SPON1: variants seen among roughly 807,000 people sequenced by gnomAD.
SPON1 encodes spondin-1.
SPON1 carries 52 observed loss-of-function variants against 111.7 expected under a neutral mutation model. The ratio of observed to expected loss-of-function variants is 0.47; its 90% CI spans 0.37 to 0.59. SPON1 has a LOEUF of 0.59. Among genes scored for constraint, SPON1 ranks in the 20% least tolerant of loss-of-function variants. The pLI, the probability that SPON1 is intolerant of heterozygous loss-of-function variation, is 0.00. For missense variants in SPON1, 957 were observed against 1,068.5 expected (o/e 0.90, Z 1.46); for synonymous variants, 410 against 395.8 (o/e 1.04, Z -0.43).
intron 6 of SPON1, among the ~76,000 whole-genome samples, chr11:14,199,055 G>T (rs1333369844): frequency 6.6e-6 from 1 of 152,006 alleles, no homozygotes; most frequent in Non-Finnish European, 1.5e-5. Context: ...CTACTACTTT[G>T]GGGGAAGAAA....
At chr11:14,019,674 A>C (rs1470361521) in intron 2 of SPON1, among the ~76,000 whole-genome samples, 1 of 152,146 alleles carries the variant, frequency 6.6e-6, no homozygotes, top group African/African-American at 2.4e-5. Context: ...TTTGGAGATA[A>C]ATGGCTTCCA....
chr11:14,173,762 A>T (rs1848138184), intron 6 of SPON1, among the ~76,000 whole-genome samples: 2 of 152,100 alleles, frequency 1.3e-5, no homozygotes, highest in African/African-American at 4.8e-5. Context: ...TCCACTCCAG[A>T]CCCTGTTTAC....
intron 2 of SPON1, among the ~76,000 whole-genome samples, chr11:14,007,110 T>G (rs1220895092): frequency 6.6e-6 from 1 of 152,196 alleles, no homozygotes; most frequent in African/African-American, 2.4e-5. Flanking sequence ...AAAACTGTTC[T>G]ACCTCAGATC....
At chr11:14,239,222 C>T (rs1196442944) in intron 6 of SPON1, among the ~76,000 whole-genome samples, 1 of 152,060 alleles carries the variant, frequency 6.6e-6, no homozygotes, top group African/African-American at 2.4e-5. Context: ...ACTCAGGCAG[C>T]GCAAGTCAAT....
intron 2 of SPON1, among the ~76,000 whole-genome samples, chr11:13,998,262 C>T (rs1456672196): frequency 6.6e-6 from 1 of 152,154 alleles, no homozygotes; most frequent in Non-Finnish European, 1.5e-5. Context: ...AAAGACTAAG[C>T]CACCAAAGGC....
At chr11:14,194,596 AGT>A (rs1164977614) in intron 6 of SPON1, among the ~76,000 whole-genome samples, 1 of 151,950 alleles carries the variant, frequency 6.6e-6, no homozygotes, top group Non-Finnish European at 1.5e-5. Flanking sequence ...GTACAATAAA[AGT>A]GTGTATTTAC....
At chr11:14,079,704 T>TC (rs1848946261) in intron 4 of SPON1, among the ~76,000 whole-genome samples, 195 bp from the exon 5 acceptor site, 4 of 152,022 alleles carry the variant, frequency 2.6e-5, no homozygotes, top group African/African-American at 9.7e-5. Flanking sequence ...TTTTTTTTTT[T>TC]CAAAATATTA....
At chr11:14,243,182 C>A in intron 6 of SPON1, 150 bp from the exon 7 acceptor site, 1 of 707,748 alleles carries the variant, frequency 1.4e-6, no homozygotes, top group Non-Finnish European at 2.4e-6. Context: ...CAGGGTTCCC[C>A]CATCCCAGAG....
intron 2 of SPON1, among the ~76,000 whole-genome samples, chr11:14,016,500 G>C (rs1848445003): frequency 6.6e-6 from 1 of 151,968 alleles, no homozygotes; most frequent in Non-Finnish European, 1.5e-5. Context: ...ATTGATTATT[G>C]TTTTCTAAAT....
intron 6 of SPON1, among the ~76,000 whole-genome samples, chr11:14,226,436 G>A (rs1371431952): frequency 2.0e-5 from 3 of 152,166 alleles, no homozygotes; most frequent in African/African-American, 4.8e-5. Context: ...GTACAGTATC[G>A]GTTGTTTACC....
intron 6 of SPON1, among the ~76,000 whole-genome samples, chr11:14,149,532 T>A (rs1847763807): frequency 6.6e-6 from 1 of 152,150 alleles, no homozygotes; most frequent in Admixed American, 6.5e-5. Context: ...AAGTGTACAG[T>A]GTTTATTAAG....
At chr11:14,171,525 T>C (rs1299408168) in intron 6 of SPON1, among the ~76,000 whole-genome samples, 1 of 152,234 alleles carries the variant, frequency 6.6e-6, no homozygotes, top group Non-Finnish European at 1.5e-5. Flanking sequence ...ATTTCTTGCC[T>C]TCTGCTAGCT....
In SPON1 at chr11:14,075,435, G is replaced by C; in HGVS notation, c.553+17G>C. 1 of 1,516,688 alleles carries C rather than the reference G, an allele frequency of 6.6e-7. No homozygotes were observed. Among genetic ancestry groups the C allele is most frequent in the Non-Finnish European group, 9.0e-7 (1 of 1,117,116 alleles). 94.0% of individuals were successfully genotyped at this position (1,516,688 alleles called of 1,614,324 possible). On this transcript the variant is annotated intron_variant, in intron 4 of 15. Coordinates refer to ENST00000576479, the MANE Select transcript of SPON1 (RefSeq NM_006108.4). The stretch of plus-strand genomic sequence containing the variant: ...GTGAACAAGGTAAGACCCTGTGGGT[G>C]GGGAGGGGGAGGGGCAGAGACATGG...
intron 6 of SPON1, among the ~76,000 whole-genome samples, chr11:14,161,670 AT>A (rs1554931359): frequency 5.3e-5 from 8 of 152,066 alleles, no homozygotes; most frequent in African/African-American, 1.7e-4. Flanking sequence ...CACAAAGCCT[AT>A]TTTGAAATAA....
chr11:14,137,015 A>T, intron 6 of SPON1, among the ~76,000 whole-genome samples: 1 of 152,194 alleles, frequency 6.6e-6, no homozygotes, highest in Non-Finnish European at 1.5e-5. Context: ...CATGGTGTGG[A>T]ATCTTGAAAA....
At chr11:14,220,599 A>G (rs1554937507) in intron 6 of SPON1, among the ~76,000 whole-genome samples, 1 of 152,236 alleles carries the variant, frequency 6.6e-6, no homozygotes, top group African/African-American at 2.4e-5. Flanking sequence ...CTCTGACCTT[A>G]AAAGCATCTC....
chr11:14,023,875 G>A (rs1015056181), intron 2 of SPON1, among the ~76,000 whole-genome samples: 11 of 152,130 alleles, frequency 7.2e-5, no homozygotes, highest in African/African-American at 1.7e-4. Context: ...AGTGGTGGGC[G>A]CCTGTAATCC....
At chr11:14,058,431 G>A (rs1591364011) in intron 3 of SPON1, among the ~76,000 whole-genome samples, 2 of 152,150 alleles carry the variant, frequency 1.3e-5, no homozygotes, top group African/African-American at 2.4e-5. Flanking sequence ...ACAGGGCGGA[G>A]TTGGGCAGGT....
rs1318209082 is a variant in SPON1, at chr11:14,228,591, C to T, written c.826-14741C>T. On this transcript the variant is annotated intron_variant, in intron 6 of 15. Transcript: ENST00000576479. The surrounding 1 kb of genome is among the most constrained non-coding windows in gnomAD (Gnocchi z 4.2). ...TGACCTTTGTGCCCCTGGAGGATCA[C>T]TGGATGAGGGTCACCCTGGAAGGAA... Among the ~76,000 whole-genome samples, 1 of 152,220 alleles carries T rather than the reference C, an allele frequency of 6.6e-6. No homozygotes were observed. The highest frequency in any genetic ancestry group is 1.9e-4 in the East Asian group (1 of 5,204).
Sources: allele counts gnomAD v4.1 joint callset (sites outside exome capture counted in the v4.1 genomes callset), GRCh38; gene constraint gnomAD v4.1.1; non-coding constraint Gnocchi (gnomAD v3.1); transcripts MANE v1.5; gene names NCBI Gene and HGNC (gene_info 2026-07-23, HGNC 2026-07-21).